Variants in NTRK2 observed in about 807,000 individuals in gnomAD.
The protein encoded by NTRK2 is BDNF/NT-3 growth factors receptor.
In NTRK2, 13 loss-of-function variants were observed where a neutral mutation model predicts 94.5. The ratio of observed to expected loss-of-function variants is 0.14; its 90% CI spans 0.09 to 0.22. NTRK2 has a LOEUF of 0.22. NTRK2 is among the 10% of genes least tolerant of loss of function. The pLI, the probability that NTRK2 is intolerant of heterozygous loss-of-function variation, is 1.00. For missense variants in NTRK2, 639 were observed against 1,071.2 expected (o/e 0.60, Z 5.63); for synonymous variants, 372 against 407.4 (o/e 0.91, Z 1.05).
At chr9:84,933,613 G>T (rs2078114049) in intron 14 of NTRK2, among the ~76,000 whole-genome samples, 1 of 152,170 alleles carries the variant, frequency 6.6e-6, no homozygotes, top group Non-Finnish European at 1.5e-5. Context: ...AGTCAGTGAG[G>T]CCCAACCATG....
intron 14 of NTRK2, among the ~76,000 whole-genome samples, chr9:84,932,028 G>A (rs1229512360): frequency 2.0e-5 from 3 of 152,084 alleles, no homozygotes; most frequent in Non-Finnish European, 2.9e-5. Flanking sequence ...TTATCACCCT[G>A]AGTTCCCAGA....
chr9:84,937,783 G>C (rs888817401), intron 15 of NTRK2, among the ~76,000 whole-genome samples: 1 of 152,178 alleles, frequency 6.6e-6, no homozygotes, highest in South Asian at 2.1e-4. Context: ...ACGCTTCATC[G>C]CAGTTTCCCT....
chr9:84,947,167 G>A (rs993151026), intron 15 of NTRK2, among the ~76,000 whole-genome samples: 1 of 152,104 alleles, frequency 6.6e-6, no homozygotes, highest in African/African-American at 2.4e-5. Context: ...TGTTTGCCAG[G>A]CTGATCTCGA....
In NTRK2 at chr9:85,026,170, T is replaced by C. The variant is rs780926518; in HGVS notation, c.*4733T>C. ...TATATATATATCTGTATATGTGTTG[T>C]AGGCAAAACACTGTGAATTTCACAA... On this transcript the variant is annotated 3_prime_UTR_variant, in exon 19 of 19. Coordinates refer to ENST00000277120, the MANE Select transcript of NTRK2 (RefSeq NM_006180.6). 3.1e-5 allele frequency: 7 copies of C among 226,558 alleles called. No homozygotes were observed. The highest frequency in any genetic ancestry group is 6.1e-5 in the Non-Finnish European group (7 of 114,116). The allele number at this position is 226,558 out of a possible 1,614,324, so 14.0% of individuals were successfully genotyped here.
chr9:84,856,424 C>T (rs118141356), intron 12 of NTRK2, among the ~76,000 whole-genome samples: 4 of 152,236 alleles, frequency 2.6e-5, no homozygotes, highest in Non-Finnish European at 4.4e-5. Flanking sequence ...TTACTCACCC[C>T]GATTATGTGC....
At chr9:84,998,554 C>G (rs933168162) in intron 17 of NTRK2, among the ~76,000 whole-genome samples, 1 of 152,216 alleles carries the variant, frequency 6.6e-6, no homozygotes, top group Non-Finnish European at 1.5e-5. Context: ...CATGCTTTGC[C>G]TCCACGGCCA....
chr9:84,814,301 C>T, intron 12 of NTRK2: 1 of 1,065,388 alleles, frequency 9.4e-7, no homozygotes, highest in Non-Finnish European at 1.1e-6. Flanking sequence ...GACACCTCTT[C>T]AGGGGTGTGT....
intron 12 of NTRK2, among the ~76,000 whole-genome samples, chr9:84,770,955 T>C (rs1232829023): frequency 6.6e-6 from 1 of 152,208 alleles, no homozygotes; most frequent in African/African-American, 2.4e-5. Context: ...TTTCTAGAGC[T>C]ATCAAGGAGG....
chr9:84,999,530 G>A (rs7019555), intron 17 of NTRK2, among the ~76,000 whole-genome samples: 111,145 of 152,122 alleles, frequency 0.73, 41,250 homozygotes, highest in African/African-American at 0.82. Flanking sequence ...TGATACACTG[G>A]ACAGCCTTGT....
intron 10 of NTRK2, among the ~76,000 whole-genome samples, chr9:84,743,743 C>T (rs967085657): frequency 2.0e-5 from 3 of 152,146 alleles, no homozygotes; most frequent in Non-Finnish European, 2.9e-5. Flanking sequence ...ACTATAGACA[C>T]TTGAATGATT....
rs77135054 is a variant in NTRK2, at chr9:84,885,631, G to C, written c.1633+18200G>C. Among the ~76,000 whole-genome samples the C allele has an allele frequency of 4.7e-3, 711 of 152,224 alleles. 13 individuals carry two copies. The highest frequency in any genetic ancestry group is 0.038 in the Admixed American group (578 of 15,286). On this transcript the variant is annotated intron_variant, in intron 14 of 18. Coordinates refer to ENST00000277120, the MANE Select transcript of NTRK2 (RefSeq NM_006180.6). ...TTTGAAAGAAAAGAAGGTAAGGAAGGGTTATTTCCTATGAGACTTATTGGA... is the reference window on the plus strand; with the variant it reads ...TTTGAAAGAAAAGAAGGTAAGGAAGCGTTATTTCCTATGAGACTTATTGGA...
chr9:84,939,823 C>T lies in NTRK2; in HGVS notation c.1764+5531C>T, dbSNP rs542594747. 4.1e-4 allele frequency among the ~76,000 whole-genome samples: 62 copies of T among 152,212 alleles called. 1 individual carries two copies. The South Asian group carries it at 0.012, about 30-fold the overall frequency. ...GGCACCACTAGATCCAGGGAATGAA[C>T]GATTCTCTTTCTCGTCTTCTCCATC... On this transcript the variant is annotated intron_variant, in intron 15 of 18. Coordinates refer to ENST00000277120, the MANE Select transcript of NTRK2 (RefSeq NM_006180.6).
intron 15 of NTRK2, among the ~76,000 whole-genome samples, chr9:84,934,595 C>A (rs1276579965): frequency 6.6e-6 from 1 of 152,152 alleles, no homozygotes; most frequent in Admixed American, 6.5e-5. Context: ...CAGAATTCGA[C>A]CAGCTGAGTC....
chr9:84,804,548 T>C (rs1000969929), intron 12 of NTRK2, among the ~76,000 whole-genome samples: 2 of 152,242 alleles, frequency 1.3e-5, no homozygotes, highest in African/African-American at 4.8e-5. Context: ...ATAGGTTGAA[T>C]TGGGTAATGG....
intron 14 of NTRK2, chr9:84,875,293 T>C: frequency 9.4e-7 from 1 of 1,058,914 alleles, no homozygotes; most frequent in Non-Finnish European, 1.1e-6. Context: ...TGTATTTCCT[T>C]GGAGATGTGC....
At position 84,871,100 on chromosome 9, in the gene NTRK2, G is replaced by A. The variant is rs187037461; in HGVS notation, c.1633+3669G>A. On this transcript the variant is annotated intron_variant, in intron 14 of 18. Coordinates refer to ENST00000277120, the MANE Select transcript of NTRK2 (RefSeq NM_006180.6). Reference sequence around the variant, plus strand: ...ATGGCTTGTTCCCTGCTCTCAAGGAGTCTCACTGGCAAGGCCAATGGTTAG... The same window carrying A: ...ATGGCTTGTTCCCTGCTCTCAAGGAATCTCACTGGCAAGGCCAATGGTTAG... Among the ~76,000 whole-genome samples the A allele has an allele frequency of 2.6e-5, 4 of 152,278 alleles. No homozygotes were observed. In the East Asian group the frequency reaches 7.7e-4, roughly 29 times the overall value.
At chr9:84,911,729 C>G (rs1376527243) in intron 14 of NTRK2, among the ~76,000 whole-genome samples, 1 of 151,946 alleles carries the variant, frequency 6.6e-6, no homozygotes, top group Non-Finnish European at 1.5e-5. Flanking sequence ...GTGTTTTCCT[C>G]TATTGTTTTT....
At chr9:84,794,947 T>C (rs17087710) in intron 12 of NTRK2, among the ~76,000 whole-genome samples, 9,014 of 152,262 alleles carry the variant, frequency 0.059, 359 homozygotes, top group South Asian at 0.13. Flanking sequence ...GGAAAAATAC[T>C]GAAACTCCTC....
intron 12 of NTRK2, among the ~76,000 whole-genome samples, chr9:84,752,846 G>A (rs1216159763): frequency 6.6e-6 from 1 of 152,154 alleles, no homozygotes. Context: ...ATTTTGTGTG[G>A]TCTCCTATAG....
Sources: gnomAD v4.1 joint callset for allele counts (sites outside exome capture counted in the v4.1 genomes callset) on GRCh38, gnomAD v4.1.1 for gene constraint, MANE v1.5 for transcripts, NCBI Gene and HGNC (gene_info 2026-07-23, HGNC 2026-07-21) for gene names.